Variants in ANXA1 observed in about 807,000 individuals in gnomAD.
ANXA1 encodes the protein annexin A1, also known as annexin I (lipocortin I).
ANXA1 carries 39 observed loss-of-function variants against 47.9 expected under a neutral mutation model. The ratio of observed to expected loss-of-function variants is 0.81; its 90% CI spans 0.63 to 1.06. ANXA1 has a LOEUF of 1.06. Among genes scored for constraint, ANXA1 ranks in the 50% least tolerant of loss-of-function variants. ANXA1 has a pLI of 0.00. For synonymous variants in ANXA1, 146 were observed against 142.5 expected, an observed-to-expected ratio of 1.02 and a Z score of -0.17; for missense variants, 446 against 422.7, an observed-to-expected ratio of 1.06 and a Z score of -0.48.
chr9:73,159,512 G>T (rs2118148369), intron 4 of ANXA1, 89 bp downstream of exon 4: 1 of 1,069,510 alleles, frequency 9.4e-7, no homozygotes, highest in Non-Finnish European at 1.4e-6. Context: ...AGTTCTTTAA[G>T]GTTCTAACCA....
chr9:73,159,594 C>A (rs1588219500), intron 4 of ANXA1, 171 bp downstream of exon 4: 1 of 515,690 alleles, frequency 1.9e-6, no homozygotes, highest in African/African-American at 1.9e-5. Context: ...TCAATTTTAT[C>A]AAATTTCCTA....
chr9:73,160,791 C>T lies in ANXA1; in HGVS notation c.385-12C>T. 1 of 1,596,110 alleles carries T rather than the reference C, an allele frequency of 6.3e-7. No homozygotes were observed. Among genetic ancestry groups the T allele is most frequent in the Non-Finnish European group, 8.6e-7 (1 of 1,167,544 alleles). Reference sequence around the variant, plus strand: ...TTTTCTACATTTATCCTTTTCTTCTCTTCAAATTTAGGGCCTTGGAACTGA... The same window carrying T: ...TTTTCTACATTTATCCTTTTCTTCTTTTCAAATTTAGGGCCTTGGAACTGA... On this transcript the variant is annotated splice_polypyrimidine_tract_variant and intron_variant, in intron 5 of 12. Coordinates refer to ENST00000257497, the MANE Select transcript of ANXA1 (RefSeq NM_000700.3).
At chr9:73,157,840 A>C (rs530625177) in intron 1 of ANXA1, 1 of 152,278 alleles carries the variant, frequency 6.6e-6, no homozygotes, top group African/African-American at 2.4e-5. Context: ...AACATAAATG[A>C]AACCATGCTG....
chr9:73,168,880 G>GGTGTGTGTGTGTGTGTGT lies in ANXA1; in HGVS notation c.862-137_862-120dup, dbSNP rs3832643. On this transcript the variant is annotated intron_variant, in intron 11 of 12. Transcript: ENST00000257497. ...TTTCATTTCATTACCATTCGTGTAA[G>GGTGTGTGTGTGTGTGTGT]GTGTGTGTGTGTGTGTGTGTGTGTG... 3.7e-3 allele frequency: 1,499 copies of GGTGTGTGTGTGTGTGTGT among 402,824 alleles called. 11 individuals are homozygous for GGTGTGTGTGTGTGTGTGT. Among genetic ancestry groups the GGTGTGTGTGTGTGTGTGT allele is most frequent in the South Asian group, 7.7e-3 (217 of 28,142 alleles). 25.0% of individuals were successfully genotyped at this position (402,824 alleles called of 1,614,324 possible).
intron 11 of ANXA1, 144 bp downstream of exon 11, chr9:73,167,699 A>G: frequency 1.4e-6 from 1 of 725,974 alleles, no homozygotes; most frequent in Non-Finnish European, 2.2e-6. Context: ...AAGAGGTAAT[A>G]CACTACCTTC....
chr9:73,167,792 T>C, intron 11 of ANXA1: 1 of 439,008 alleles, frequency 2.3e-6, no homozygotes, highest in Non-Finnish European at 4.1e-6. Flanking sequence ...TACGGCTCAC[T>C]TGTGATTTGC....
chr9:73,167,667 G>A (rs1824255655), intron 11 of ANXA1, 112 bp downstream of exon 11: 8 of 991,450 alleles, frequency 8.1e-6, no homozygotes, highest in Non-Finnish European at 1.2e-5. Context: ...CCATTAATGA[G>A]AATCATTGTT....
At chr9:73,158,090 T>C (rs759409137) in intron 1 of ANXA1, 2 of 159,386 alleles carry the variant, frequency 1.3e-5, no homozygotes, top group Non-Finnish European at 2.8e-5. Context: ...CCCTTATGTT[T>C]TCCTATGGAG....
At chr9:73,166,856 TGAA>T (rs1395127942) in intron 10 of ANXA1, among the ~76,000 whole-genome samples, 5 of 152,170 alleles carry the variant, frequency 3.3e-5, no homozygotes, top group Non-Finnish European at 5.9e-5. Flanking sequence ...CTCGACAAGA[TGAA>T]GAACACTATG....
At chr9:73,159,486 G>A (rs1342198394) in intron 4 of ANXA1, 63 bp downstream of exon 4, 10 of 1,415,924 alleles carry the variant, frequency 7.1e-6, no homozygotes, top group Non-Finnish European at 9.9e-6. Context: ...CCATGGATTC[G>A]GAAGCACAGT....
intron 12 of ANXA1, 88 bp downstream of exon 12, chr9:73,169,242 A>G: frequency 1.5e-6 from 2 of 1,348,370 alleles, no homozygotes; most frequent in East Asian, 4.9e-5. Context: ...TATTGTATCT[A>G]TAAATTTAAT....
intron 11 of ANXA1, 152 bp from the exon 12 acceptor site, chr9:73,168,880 G>GGTGTGTGTGT (rs3832643): frequency 0.1 from 40,172 of 401,060 alleles, 1,837 homozygotes; most frequent in African/African-American, 0.11. Flanking sequence ...ATTCGTGTAA[G>GGTGTGTGTGT]GTGTGTGTGT....
intron 12 of ANXA1, 132 bp downstream of exon 12, chr9:73,169,286 C>T: frequency 1.0e-6 from 1 of 965,448 alleles, no homozygotes; most frequent in Non-Finnish European, 1.4e-6. Flanking sequence ...ATGGTGTATA[C>T]TTCATGAGTA....
intron 8 of ANXA1, among the ~76,000 whole-genome samples, chr9:73,163,793 G>T (rs1025719028): frequency 6.6e-6 from 1 of 152,066 alleles, no homozygotes; most frequent in African/African-American, 2.4e-5. Flanking sequence ...TCATTCCCAA[G>T]AATTGTTTGT....
rs570755224 is a variant in ANXA1 at position 73,169,045 on chromosome 9, G to T, written c.875G>T (p.Arg292Leu). 5.0e-6 allele frequency: 8 copies of T among 1,610,714 alleles called. No homozygotes were observed. The highest frequency in any genetic ancestry group is 6.8e-6 in the Non-Finnish European group (8 of 1,178,708). Residue 292 changes from arginine to leucine, a missense_variant, in exon 12 of 13, where the codon CGC becomes CTC. Transcript: ENST00000257497. ...TATTTTGGCCAGGGTGTTGGAACTC[G>T]CCATAAGGCATTGATCAGGATTATG... ...LHQAMKGVGT[R>L]HKALIRIMVS...
At chr9:73,158,903 C>T (rs1051465552) in intron 3 of ANXA1, 100 bp downstream of exon 3, 9 of 966,486 alleles carry the variant, frequency 9.3e-6, no homozygotes, top group Non-Finnish European at 1.4e-5. Context: ...GAATCTGTTT[C>T]ATTTTGAAGA....
chr9:73,158,434 C>A, intron 1 of ANXA1, 88 bp from the exon 2 acceptor site: 1 of 981,568 alleles, frequency 1.0e-6, no homozygotes, highest in Non-Finnish European at 1.6e-6. Flanking sequence ...CTCTCTAATG[C>A]TAACTCTTAT....
Position 73,158,825 on chromosome 9 carries a change from G to C in ANXA1, c.175+22G>C, listed in dbSNP as rs1824092453. On this transcript the variant is annotated intron_variant, in intron 3 of 12. Coordinates refer to ENST00000257497, the MANE Select transcript of ANXA1 (RefSeq NM_000700.3). The stretch of plus-strand genomic sequence containing the variant: ...AAAGGTAACGTGTTTCCTCAAAACA[G>C]TTCCCTCCTGGACATTTCAGAATGG... 1.9e-6 allele frequency: 3 copies of C among 1,580,832 alleles called. No individual in the cohort carries two copies. In the Admixed American group the frequency reaches 5.0e-5, roughly 26 times the overall value.
chr9:73,154,414 C>T, intron 1 of ANXA1: 1 of 1,251,166 alleles, frequency 8.0e-7, no homozygotes, highest in African/African-American at 1.5e-5. Context: ...CCTTCTCTTT[C>T]TTTTCTTTTT....
Sources: allele counts gnomAD v4.1 joint callset (sites outside exome capture counted in the v4.1 genomes callset), GRCh38; gene constraint gnomAD v4.1.1; transcripts MANE v1.5; gene names NCBI Gene and HGNC (gene_info 2026-07-23, HGNC 2026-07-21).